Variants in GAD1 observed in about 807,000 individuals in gnomAD.
The protein encoded by GAD1 is glutamate decarboxylase 1, also known as 67 kDa glutamic acid decarboxylase.
GAD1 carries 35 observed loss-of-function variants against 75.2 expected under a neutral mutation model. The ratio of observed to expected loss-of-function variants is 0.47; its 90% CI spans 0.36 to 0.62. The LOEUF (loss-of-function observed/expected upper bound fraction) is 0.62, where lower values mean the gene tolerates loss of function less well. Among genes scored for constraint, GAD1 ranks in the 20% least tolerant of loss-of-function variants. The pLI is 0.00. For missense variants in GAD1, 490 were observed against 758.5 expected (o/e 0.65, Z 4.16); for synonymous variants, 257 against 271.9 (o/e 0.95, Z 0.54).
In GAD1 at chr2:170,858,848, C is replaced by T; in HGVS notation, c.1566C>T (p.Leu522=). 2 of 1,614,214 alleles carry T rather than the reference C, an allele frequency of 1.2e-6. No homozygotes were observed. The highest frequency in any genetic ancestry group is 1.7e-6 in the Non-Finnish European group (2 of 1,180,042). ...GTTTTTGGTATATTCCACAAAGCCTCAGGGGTGTGCCAGACAGCCCTCAAC... is the reference window on the plus strand; with the variant it reads ...GTTTTTGGTATATTCCACAAAGCCTTAGGGGTGTGCCAGACAGCCCTCAAC... The part of the protein sequence containing the change: ...NVCFWYIPQS[L]RGVPDSPQRR... The change falls in exon 16 of 17, where the codon CTC becomes CTT. Residue 522 remains leucine, a synonymous_variant. Transcript: ENST00000358196.
chr2:170,828,550 CTCCTACCTCTGCTG>C (rs1702107821), intron 3 of GAD1, among the ~76,000 whole-genome samples: 1 of 141,978 alleles, frequency 7.0e-6, no homozygotes, highest in Non-Finnish European at 1.5e-5. Context: ...TGTCCTCACC[CTCCTACCTCTGCTG>C]TCCTCACCGT....
intron 2 of GAD1, among the ~76,000 whole-genome samples, chr2:170,819,648 T>TA (rs904396432): frequency 6.6e-6 from 1 of 151,270 alleles, no homozygotes; most frequent in South Asian, 2.1e-4. Flanking sequence ...CCCACCCCCC[T>TA]AAAAAAACTT....
In GAD1 at chr2:170,818,369, C is replaced by G. The variant is rs1048992355; in HGVS notation, c.-63-160C>G. Reference sequence around the variant, plus strand: ...GCGCACGTCTCCTCCGCTGCCCCCACCCCTGCGCACCCCTACCAGGCAGGC... The same window carrying G: ...GCGCACGTCTCCTCCGCTGCCCCCAGCCCTGCGCACCCCTACCAGGCAGGC... On this transcript the variant is annotated intron_variant, in intron 1 of 16. Coordinates refer to ENST00000358196, the MANE Select transcript of GAD1 (RefSeq NM_000817.3). The surrounding 1 kb of genome is among the most constrained non-coding windows in gnomAD (Gnocchi z 5.9). 1.7e-6 allele frequency: 1 copy of G among 595,410 alleles called. No individual in the cohort carries two copies. The highest frequency in any genetic ancestry group is 2.8e-5 in the Admixed American group (1 of 35,548). The allele number at this position is 595,410 out of a possible 1,614,324, so 36.9% of individuals were successfully genotyped here. A position where few individuals can be genotyped will look rare whatever the true frequency, so the allele number is the denominator to read the frequency against.
chr2:170,820,737 A>G (rs1701855100), intron 2 of GAD1, among the ~76,000 whole-genome samples: 1 of 152,124 alleles, frequency 6.6e-6, no homozygotes, highest in African/African-American at 2.4e-5. Flanking sequence ...CCCAATTTTG[A>G]AAGGCAGTGC....
In GAD1 at chr2:170,844,187, G is replaced by A. The variant is rs532573219; in HGVS notation, c.751+30G>A. The A allele has an allele frequency of 6.5e-5, 80 of 1,227,794 alleles. No homozygotes were observed. The South Asian group carries it at 8.6e-4, about 13-fold the overall frequency. The allele number at this position is 1,227,794 out of a possible 1,614,324, so 76.1% of individuals were successfully genotyped here. ...GTTTCTCTTCTCTTCCTCTTCTCAA[G>A]GTTTGGGATTCTTAAGAATACAAAA... On this transcript the variant is annotated intron_variant, in intron 7 of 16. Transcript: ENST00000358196.
intron 6 of GAD1, 99 bp from the exon 7 acceptor site, chr2:170,843,946 A>G: frequency 1.4e-6 from 1 of 729,232 alleles, no homozygotes. Flanking sequence ...GCTTTTTTTT[A>G]GAACCCAACT....
Position 170,818,381 on chromosome 2 carries a change from C to A in GAD1, c.-63-148C>A. 1 of 608,416 alleles carries A rather than the reference C, an allele frequency of 1.6e-6. No homozygotes were observed. The highest frequency in any genetic ancestry group is 3.0e-6 in the Non-Finnish European group (1 of 337,740). 37.7% of individuals were successfully genotyped at this position (608,416 alleles called of 1,614,324 possible). A position where few individuals can be genotyped will look rare whatever the true frequency, so the allele number is the denominator to read the frequency against. On this transcript the variant is annotated intron_variant, in intron 1 of 16. Transcript: ENST00000358196. The surrounding 1 kb of genome is among the most constrained non-coding windows in gnomAD (Gnocchi z 5.9). ...TCCGCTGCCCCCACCCCTGCGCACC[C>A]CTACCAGGCAGGCTCGCTGCCTTTC...
intron 3 of GAD1, among the ~76,000 whole-genome samples, chr2:170,823,513 T>C (rs1419635690): frequency 6.6e-6 from 1 of 152,178 alleles, no homozygotes; most frequent in Non-Finnish European, 1.5e-5. Flanking sequence ...AGCCCAGCCC[T>C]GCCGCCGGGC....
At chr2:170,858,955 C>G (rs2105815896) in intron 16 of GAD1, 62 bp downstream of exon 16, 1 of 1,421,162 alleles carries the variant, frequency 7.0e-7, no homozygotes. Context: ...TCAGGACATC[C>G]TCATTCCAAT....
Position 170,818,393 on chromosome 2 carries a change from G to A in GAD1, c.-63-136G>A. The stretch of plus-strand genomic sequence containing the variant: ...ACCCCTGCGCACCCCTACCAGGCAG[G>A]CTCGCTGCCTTTCCTCCCTCTTGTC... On this transcript the variant is annotated intron_variant, in intron 1 of 16. Transcript: ENST00000358196. This position sits in a 1 kb window ranked among gnomAD's most constrained non-coding sequence, Gnocchi z 5.9. 1 of 622,938 alleles carries A rather than the reference G, an allele frequency of 1.6e-6. No individual in the cohort carries two copies. The highest frequency in any genetic ancestry group is 1.9e-5 in the South Asian group (1 of 54,032). 38.6% of individuals were successfully genotyped at this position (622,938 alleles called of 1,614,324 possible). A position where few individuals can be genotyped will look rare whatever the true frequency, so the allele number is the denominator to read the frequency against.
chr2:170,815,626 T>C (rs1701681072), upstream of GAD1, among the ~76,000 whole-genome samples: 1 of 152,090 alleles, frequency 6.6e-6, no homozygotes, highest in Admixed American at 6.5e-5. Flanking sequence ...CTGCACCACC[T>C]GGGGAGAGGG....
At chr2:170,823,701 C>CGCGCCAGGTCCCTTCGG (rs2105761045) in intron 3 of GAD1, among the ~76,000 whole-genome samples, 1 of 136,084 alleles carries the variant, frequency 7.3e-6, no homozygotes, top group East Asian at 2.5e-4. Flanking sequence ...TGGCCCGTTT[C>CGCGCCAGGTCCCTTCGG]GCGCCAGGTC....
At chr2:170,839,850 A>G in intron 6 of GAD1, among the ~76,000 whole-genome samples, 1 of 152,218 alleles carries the variant, frequency 6.6e-6, no homozygotes, top group Non-Finnish European at 1.5e-5. Flanking sequence ...ATGGCAATAC[A>G]TAATCTTAAT....
chr2:170,828,915 G>C (rs1438672234), intron 3 of GAD1: 1 of 190,142 alleles, frequency 5.3e-6, no homozygotes, highest in Non-Finnish European at 1.0e-5. Flanking sequence ...TTCCTCTGCT[G>C]TCCTCACCCC....
chr2:170,841,784 A>G (rs1702523996), intron 6 of GAD1, among the ~76,000 whole-genome samples: 1 of 152,180 alleles, frequency 6.6e-6, no homozygotes, highest in African/African-American at 2.4e-5. Flanking sequence ...TAAGCTAATA[A>G]GTCAGGAAAA....
chr2:170,852,857 C>A, intron 13 of GAD1, 65 bp downstream of exon 13: 1 of 1,376,980 alleles, frequency 7.3e-7, no homozygotes, highest in Non-Finnish European at 1.0e-6. Context: ...AAAAGACACA[C>A]GTGGGGTCTC....
At chr2:170,830,178 C>A (rs1350323368) in intron 4 of GAD1, among the ~76,000 whole-genome samples, 1 of 152,204 alleles carries the variant, frequency 6.6e-6, no homozygotes, top group African/African-American at 2.4e-5. Flanking sequence ...GTGAACTTCC[C>A]ACAGGGCCAC....
rs1702319503 is a variant in GAD1 at position 170,834,458 on chromosome 2, C to T, written c.548-2335C>T. Reference sequence around the variant, plus strand: ...AATTTCTCTATAAATTAATAAAAGACTTCTTTTAAAAAATGAACCAGCCTA... The same window carrying T: ...AATTTCTCTATAAATTAATAAAAGATTTCTTTTAAAAAATGAACCAGCCTA... On this transcript the variant is annotated intron_variant, in intron 5 of 16. Transcript: ENST00000358196. Among the ~76,000 whole-genome samples the T allele has an allele frequency of 2.0e-5, 3 of 148,790 alleles. 1 individual carries two copies. In the South Asian group the frequency reaches 6.6e-4, roughly 33 times the overall value.
Position 170,859,800 on chromosome 2 carries a change from T to C in GAD1, c.1703T>C (p.Met568Thr). Residue 568 changes from methionine to threonine, a missense_variant, in exon 17 of 17, where the codon ATG (methionine) becomes ACG (threonine). Coordinates refer to ENST00000358196, the MANE Select transcript of GAD1 (RefSeq NM_000817.3). ...PQGDKANFFR[M>T]VISNPAATQS... ...GGGGACAAGGCCAACTTCTTCCGGA[T>C]GGTCATCTCCAACCCAGCCGCTACC... The C allele has an allele frequency of 6.2e-7, 1 of 1,614,142 alleles. No individual in the cohort carries two copies. The highest frequency in any genetic ancestry group is 8.5e-7 in the Non-Finnish European group (1 of 1,180,018).
Sources: gnomAD v4.1 joint callset for allele counts (sites outside exome capture counted in the v4.1 genomes callset) on GRCh38, gnomAD v4.1.1 for gene constraint, Gnocchi (gnomAD v3.1) non-coding constraint, MANE v1.5 for transcripts, NCBI Gene and HGNC (gene_info 2026-07-23, HGNC 2026-07-21) for gene names.